PIR: variants seen among roughly 807,000 people sequenced by gnomAD.
PIR encodes the protein pirin (iron-binding nuclear protein).
A neutral mutation model predicts 24.2 loss-of-function variants in PIR; 22 were observed. That is an observed-to-expected ratio of 0.91 (90% CI 0.65 to 1.30). The LOEUF (loss-of-function observed/expected upper bound fraction) is 1.30. PIR is among the 50% of genes most tolerant of loss of function. The pLI, the probability that PIR is intolerant of heterozygous loss-of-function variation, is 0.00. For missense variants in PIR, 220 were observed against 220.3 expected, an observed-to-expected ratio of 1.00 and a Z score of 0.01; for synonymous variants, 80 against 79.6, an observed-to-expected ratio of 1.00 and a Z score of -0.03.
At chrX:15,398,669 G>GGTGTGTGTGTGT (rs371177726) in intron 7 of PIR, among the ~76,000 whole-genome samples, 59 of 76,101 alleles carry the variant, frequency 7.8e-4, no homozygotes, top group Non-Finnish European at 1.1e-3. Flanking sequence ...GAGGAGGGAG[G>GGTGTGTGTGTGT]GTGTGTGTGT....
At chrX:15,407,427 G>A (rs1175090593) in intron 7 of PIR, 79 bp downstream of exon 7, 5 of 708,534 alleles carry the variant, frequency 7.1e-6, no homozygotes, top group Non-Finnish European at 9.1e-6. Context: ...TACATAAAAT[G>A]GTGTCATCCT....
At chrX:15,435,574 A>C (rs927551068) in intron 5 of PIR, among the ~76,000 whole-genome samples, 6 of 112,015 alleles carry the variant, frequency 5.4e-5, no homozygotes, top group Non-Finnish European at 1.1e-4. Context: ...TGAGGAGCTC[A>C]TGTCATCATC....
intron 2 of PIR, among the ~76,000 whole-genome samples, chrX:15,489,335 C>A (rs945530321): frequency 5.4e-5 from 6 of 111,924 alleles, no homozygotes; most frequent in African/African-American, 2.0e-4. Flanking sequence ...TTTTAGTAAT[C>A]CTATGTATTT....
At chrX:15,446,301 A>C (rs1369782864) in intron 5 of PIR, among the ~76,000 whole-genome samples, 2 of 111,616 alleles carry the variant, frequency 1.8e-5, no homozygotes, top group African/African-American at 6.5e-5. Context: ...GCATTGGTTT[A>C]TACCACTGAA....
intron 9 of PIR, among the ~76,000 whole-genome samples, chrX:15,385,616 T>G (rs1334108426): frequency 8.9e-6 from 1 of 112,247 alleles, no homozygotes; most frequent in Non-Finnish European, 1.9e-5. Context: ...CAGAAGATTA[T>G]AAAAATTTCA....
At chrX:15,415,747 C>T (rs373521296) in intron 6 of PIR, among the ~76,000 whole-genome samples, 25 of 111,128 alleles carry the variant, frequency 2.2e-4, no homozygotes, top group East Asian at 1.7e-3. Context: ...TAAATACGTA[C>T]AATTTTATCA....
chrX:15,389,991 T>TA (rs1420209504), intron 9 of PIR, 194 bp downstream of exon 9: 99 of 265,426 alleles, frequency 3.7e-4, no homozygotes, highest in South Asian at 4.7e-4. Context: ...AATGTTTCTT[T>TA]AAAAAAAAAG....
At chrX:15,479,408 G>A (rs1922381434) in intron 3 of PIR, among the ~76,000 whole-genome samples, 1 of 107,650 alleles carries the variant, frequency 9.3e-6, no homozygotes, top group Admixed American at 1.0e-4. Flanking sequence ...GTAGTGACAT[G>A]ATTAGAAACA....
At chrX:15,417,998 T>C (rs1924982657) in intron 6 of PIR, among the ~76,000 whole-genome samples, 1 of 111,877 alleles carries the variant, frequency 8.9e-6, no homozygotes, top group Non-Finnish European at 1.9e-5. Context: ...TGGACATCTT[T>C]GGGGGGACAT....
rs764743969 is a variant in PIR at position 15,429,745 on chromosome X, A to T, written c.481-3755T>A. On this transcript the variant is annotated intron_variant, in intron 5 of 9. Transcript: ENST00000380420. ...GCGGTGGTCGTCTGTAGTCCCAGCTACTCGGGAGGCTGAGGCGGTAGAAGG... is the reference window on the plus strand; with the variant it reads ...GCGGTGGTCGTCTGTAGTCCCAGCTTCTCGGGAGGCTGAGGCGGTAGAAGG... The T allele has an allele frequency of 3.7e-5, 4 of 109,372 alleles. No individual in the cohort carries two copies. In the East Asian group the frequency reaches 1.1e-3, roughly 31 times the overall value. 9.0% of individuals were successfully genotyped at this position (109,372 alleles called of 1,213,427 possible). A position where few individuals can be genotyped will look rare whatever the true frequency, so the allele number is the denominator to read the frequency against.
chrX:15,445,924 G>A (rs1220840635), intron 5 of PIR, among the ~76,000 whole-genome samples: 2 of 100,706 alleles, frequency 2.0e-5, no homozygotes, highest in African/African-American at 7.5e-5. Flanking sequence ...CCGCCTCCCG[G>A]GTTCACGCCA....
intron 1 of PIR, 130 bp from the exon 2 acceptor site, chrX:15,491,439 C>A: frequency 2.6e-6 from 1 of 378,278 alleles, no homozygotes. Context: ...TTACTATGTG[C>A]AGGGCCTGGG....
chrX:15,432,122 G>A (rs1381835087), intron 5 of PIR, among the ~76,000 whole-genome samples: 1 of 110,856 alleles, frequency 9.0e-6, no homozygotes, highest in African/African-American at 3.3e-5. Context: ...TAGGGGCATC[G>A]TATGTATTAA....
At chrX:15,433,888 A>G (rs1602266451) in intron 5 of PIR, among the ~76,000 whole-genome samples, 2 of 60,422 alleles carry the variant, frequency 3.3e-5, no homozygotes, top group East Asian at 5.9e-4. Flanking sequence ...GAGGAAGGAG[A>G]AAGAAGGAGG....
intron 7 of PIR, among the ~76,000 whole-genome samples, chrX:15,400,729 A>ATATTGATTTATT (rs1924348500): frequency 1.8e-4 from 4 of 22,463 alleles, no homozygotes; most frequent in Non-Finnish European, 4.2e-4. Context: ...TCTAAGGTAA[A>ATATTGATTTATT]TATTTATTTA....
intron 5 of PIR, among the ~76,000 whole-genome samples, chrX:15,434,159 AAGG>A (rs1225886255): frequency 1.3e-4 from 12 of 90,936 alleles, no homozygotes; most frequent in African/African-American, 4.1e-4. Flanking sequence ...GAGAAAGAAG[AAGG>A]AGGAGAAAGA....
intron 6 of PIR, chrX:15,407,789 A>G (rs1269105733): frequency 5.2e-6 from 2 of 383,527 alleles, no homozygotes; most frequent in Non-Finnish European, 9.1e-6. Flanking sequence ...CCAAATATTT[A>G]AGAAGCACCC....
intron 5 of PIR, among the ~76,000 whole-genome samples, chrX:15,450,443 C>T (rs111874915): frequency 0.026 from 2,889 of 110,483 alleles, 103 homozygotes; most frequent in African/African-American, 0.089. Context: ...AAAAAGTGTG[C>T]GCGTATATGT....
At chrX:15,404,501 T>C (rs952092751) in intron 7 of PIR, among the ~76,000 whole-genome samples, 2 of 112,150 alleles carry the variant, frequency 1.8e-5, no homozygotes, top group African/African-American at 6.5e-5. Context: ...ATATATATAT[T>C]CATTACATCT....
Sources: gnomAD v4.1 joint callset for allele counts (sites outside exome capture counted in the v4.1 genomes callset) on GRCh38, gnomAD v4.1.1 for gene constraint, MANE v1.5 for transcripts, NCBI Gene and HGNC (gene_info 2026-07-23, HGNC 2026-07-21) for gene names.